The following SMG5 variants were observed in gnomAD, a reference collection of about 807,000 sequenced individuals.
The protein encoded by SMG5 is nonsense-mediated mRNA decay factor SMG5.
A neutral mutation model predicts 122.9 loss-of-function variants in SMG5; 53 were observed. The observed-to-expected ratio is 0.43, with a 90% CI of 0.35 to 0.54. SMG5 has a LOEUF of 0.54. Ranked by LOEUF, SMG5 falls within the 20% of genes least tolerant of loss-of-function variation. The pLI is 0.01. For missense variants in SMG5, 1,153 were observed against 1,285.6 expected (o/e 0.90, Z 1.58); for synonymous variants, 477 against 490.2 (o/e 0.97, Z 0.35).
intron 9 of SMG5, 49 bp downstream of exon 9, chr1:156,268,066 A>G (rs752163589): frequency 6.3e-7 from 1 of 1,590,352 alleles, no homozygotes; most frequent in South Asian, 1.1e-5. Context: ...GTAAAGCATC[A>G]TGGCTGGGGC....
At chr1:156,288,139 C>T in the SMG5 span, among the ~76,000 whole-genome samples, 2 of 147,626 alleles carry the variant, frequency 1.4e-5, no homozygotes, top group African/African-American at 5.0e-5. Flanking sequence ...GGCGTGAACC[C>T]GGGAGCCGAG....
intron 5 of SMG5, 105 bp from the exon 6 acceptor site, chr1:156,273,555 G>A: frequency 9.3e-7 from 1 of 1,070,152 alleles, no homozygotes; most frequent in Non-Finnish European, 1.4e-6. Context: ...GAGCCTGGAA[G>A]GAAGGTACCT....
chr1:156,253,346 C>T, intron 17 of SMG5, 103 bp downstream of exon 17: 4 of 1,230,026 alleles, frequency 3.3e-6, no homozygotes, highest in Non-Finnish European at 4.8e-6. Flanking sequence ...GACACAGAGG[C>T]AACAGAGCAG....
rs1257992349 is a variant in SMG5, at chr1:156,251,072, G to A, written c.2829-76C>T. On this transcript the variant is annotated intron_variant, in intron 20 of 21. Transcript: ENST00000361813. ...AGCCCAAACACCAGGATCTCCAGGG[G>A]ACAGGGGCAGCTGGGGGCTGGGAGG... The A allele has an allele frequency of 1.2e-5, 19 of 1,562,434 alleles. No homozygotes were observed. The South Asian group carries it at 1.5e-4, about 12-fold the overall frequency.
chr1:156,283,907 T>C (rs1238870223), upstream of SMG5, among the ~76,000 whole-genome samples: 1 of 152,250 alleles, frequency 6.6e-6, no homozygotes, highest in Non-Finnish European at 1.5e-5. Context: ...TTCATTATGT[T>C]ACCCCAATAG....
At chr1:156,281,183 G>A (rs1662918513) in intron 1 of SMG5, among the ~76,000 whole-genome samples, 1 of 152,184 alleles carries the variant, frequency 6.6e-6, no homozygotes, top group Non-Finnish European at 1.5e-5. Flanking sequence ...CCTGCTCAAA[G>A]CCAACAACAC....
chr1:156,291,351 C>T, the SMG5 span: 91 of 1,602,578 alleles, frequency 5.7e-5, no homozygotes, highest in East Asian at 1.9e-3. Context: ...GCGCTTCCCT[C>T]GAGAGTAGCC....
In SMG5 at chr1:156,273,447, C is replaced by T; in HGVS notation, c.548G>A (p.Arg183Gln). Residue 183 changes from arginine (R) to glutamine (Q), a missense_variant, in exon 6 of 22, where the codon CGA becomes CAA. By Grantham distance (43) the Arg-to-Gln change is conservative. Coordinates refer to ENST00000361813, the MANE Select transcript of SMG5 (RefSeq NM_015327.3). ...RCLVYLGDLSRYQNELAGVDT... is the reference protein window; with the variant it reads ...RCLVYLGDLSQYQNELAGVDT... ...TACGCCAGCTAATTCATTCTGATAT[C>T]GGGCTGCACAAGAGAGAAAACGAAG... The T allele has an allele frequency of 1.2e-6, 2 of 1,613,700 alleles. No individual in the cohort carries two copies. The highest frequency in any genetic ancestry group is 1.7e-6 in the Non-Finnish European group (2 of 1,179,842).
chr1:156,265,220 C>T (rs1213083464), intron 12 of SMG5, among the ~76,000 whole-genome samples: 32 of 122,952 alleles, frequency 2.6e-4, no homozygotes, highest in Non-Finnish European at 4.5e-4. Flanking sequence ...AAGACCCTGT[C>T]TTTAAAAAAA....
intron 11 of SMG5, 46 bp downstream of exon 11, chr1:156,266,495 C>T (rs775440316): frequency 5.0e-6 from 8 of 1,612,974 alleles, no homozygotes; most frequent in South Asian, 2.2e-5. Context: ...CATCCCCATG[C>T]CCCACACCAA....
rs761663826 is a variant in SMG5 at position 156,278,897 on chromosome 1, G to T, written c.173+39C>A. 5.4e-5 allele frequency: 83 copies of T among 1,544,366 alleles called. 1 individual carries two copies. In the South Asian group the frequency reaches 6.6e-4, roughly 12 times the overall value. ...AAGGTTTCTGGTAGAGATAGGCAGG[G>T]AAACAGTAAGGATCTGTGGTTTAGA... On this transcript the variant is annotated intron_variant, in intron 2 of 21. Coordinates refer to ENST00000361813, the MANE Select transcript of SMG5 (RefSeq NM_015327.3).
intron 5 of SMG5, among the ~76,000 whole-genome samples, chr1:156,273,718 C>CTTTTTTTTTTTTTTTTTTTT (rs748042052): frequency 4.3e-5 from 5 of 116,334 alleles, no homozygotes; most frequent in Non-Finnish European, 8.7e-5. Context: ...GTTTTGTTTT[C>CTTTTTTTTTTTTTTTTTTTT]TTTTTTTTTT....
upstream of SMG5, chr1:156,285,516 T>C: frequency 6.2e-7 from 1 of 1,614,132 alleles, no homozygotes; most frequent in Non-Finnish European, 8.5e-7. Context: ...TGGCGGGACA[T>C]TGAACCAGAG....
Position 156,265,993 on chromosome 1 carries a change from G to A in SMG5, c.1643C>T (p.Ala548Val). 6.2e-7 allele frequency: 1 copy of A among 1,614,220 alleles called. No homozygotes were observed. The highest frequency in any genetic ancestry group is 8.5e-7 in the Non-Finnish European group (1 of 1,180,038). The change falls in exon 12 of 22, where the codon GCT becomes GTT. Residue 548 changes from alanine to valine, a missense_variant. Ala to Val is a moderately conservative substitution (Grantham distance 64). Around this residue, in one of 5 missense-constraint regions of SMG5, gnomAD observed 631 missense variants for 650.6 expected, o/e 0.97. Coordinates refer to ENST00000361813, the MANE Select transcript of SMG5 (RefSeq NM_015327.3). ...CAGTGGGCCATTGAGGGAATCGGGA[G>A]CCTCTGATCTGCCCCGAGGGGGCTC... ...TLEPPRGRSE[A>V]PDSLNGPLGP... is the part of the protein sequence containing the mutation.
intron 16 of SMG5, among the ~76,000 whole-genome samples, chr1:156,256,763 AG>A (rs1340856098): frequency 3.3e-5 from 5 of 152,126 alleles, no homozygotes; most frequent in African/African-American, 1.2e-4. Context: ...CGCAACTCCT[AG>A]TGCCCACTTG....
upstream of SMG5, chr1:156,286,270 G>A (rs1165877405): frequency 1.9e-6 from 3 of 1,614,178 alleles, no homozygotes; most frequent in East Asian, 2.2e-5. Flanking sequence ...GGATCCTGGT[G>A]TACGGGCTGA....
chr1:156,272,296 GA>G (rs978110355), intron 7 of SMG5, 23 bp downstream of exon 7: 2 of 1,573,904 alleles, frequency 1.3e-6, no homozygotes, highest in Non-Finnish European at 1.7e-6. Flanking sequence ...AGCAGGGCTG[GA>G]AAAAGAGCTG....
At chr1:156,279,659 G>A (rs1662843411) in intron 1 of SMG5, among the ~76,000 whole-genome samples, 1 of 152,062 alleles carries the variant, frequency 6.6e-6, no homozygotes, top group Admixed American at 6.6e-5. Context: ...ATTCAATAAT[G>A]GTGGAATGAA....
Position 156,250,083 on chromosome 1 carries a change from G to A in SMG5, c.*504C>T, listed in dbSNP as rs1408175056. 2.6e-6 allele frequency: 1 copy of A among 384,846 alleles called. No individual in the cohort carries two copies. Among genetic ancestry groups the A allele is most frequent in the African/African-American group, 2.1e-5 (1 of 47,536 alleles). The allele number at this position is 384,846 out of a possible 1,614,324, so 23.8% of individuals were successfully genotyped here. On this transcript the variant is annotated 3_prime_UTR_variant, in exon 22 of 22. Transcript: ENST00000361813. ...CTGGTCCCCATAAAGGGGGCTGAAA[G>A]GAGGATGGGTGATCCTTGAGGAGGG...
Sources: allele counts gnomAD v4.1 joint callset (sites outside exome capture counted in the v4.1 genomes callset), GRCh38; gene constraint gnomAD v4.1.1; regional missense constraint gnomAD v4.1.1; transcripts MANE v1.5; gene names NCBI Gene and HGNC (gene_info 2026-07-23, HGNC 2026-07-21).